Variants in ZZEF1 observed in about 807,000 individuals in gnomAD.
The protein encoded by ZZEF1 is zinc finger ZZ-type and EF-hand domain containing 1, also known as zinc finger ZZ-type and EF-hand domain-containing protein 1.
Under a neutral mutation model 342.8 loss-of-function variants are expected in ZZEF1, and 157 were observed. The ratio of observed to expected loss-of-function variants is 0.46; its 90% CI spans 0.40 to 0.52. ZZEF1 has a LOEUF of 0.52. Among genes scored for constraint, ZZEF1 ranks in the 20% least tolerant of loss-of-function variants. ZZEF1 has a pLI of 0.00. For missense variants in ZZEF1, 3,480 were observed against 3,725.6 expected (o/e 0.93, Z 1.72); for synonymous variants, 1,505 against 1,429.1 (o/e 1.05, Z -1.20).
chr17:4,125,887 A>G (rs2058565009), intron 1 of ZZEF1, among the ~76,000 whole-genome samples: 1 of 152,104 alleles, frequency 6.6e-6, no homozygotes, highest in African/African-American at 2.4e-5. Context: ...AGACAGAGGG[A>G]AATGCTCATG....
rs1195665476 is a variant in ZZEF1 at position 4,123,388 on chromosome 17, C to A, written c.499+519G>T. Among the ~76,000 whole-genome samples, 3 of 146,140 alleles carry A rather than the reference C, an allele frequency of 2.1e-5. No individual in the cohort carries two copies. The Admixed American group carries it at 2.1e-4, about 10-fold the overall frequency. On this transcript the variant is annotated intron_variant, in intron 2 of 54. Coordinates refer to ENST00000381638, the MANE Select transcript of ZZEF1 (RefSeq NM_015113.4). ...CCCACTGGGGGTGCTGGAACATCTC[C>A]CGCATGGGTAAGGAGGGAATACTGT... is the stretch of plus-strand genomic sequence containing the variant.
chr17:4,138,114 T>G (rs2058784016), intron 1 of ZZEF1, among the ~76,000 whole-genome samples: 1 of 152,218 alleles, frequency 6.6e-6, no homozygotes, highest in African/African-American at 2.4e-5. Flanking sequence ...ATGTGTGGGC[T>G]TCAACCGATT....
chr17:4,073,129 T>C (rs1269775178), intron 24 of ZZEF1, among the ~76,000 whole-genome samples: 1 of 152,182 alleles, frequency 6.6e-6, no homozygotes, highest in Non-Finnish European at 1.5e-5. Flanking sequence ...TAGCAAATAA[T>C]AAATATCCAG....
chr17:4,102,294 A>G, intron 9 of ZZEF1, 23 bp downstream of exon 9: 1 of 1,608,158 alleles, frequency 6.2e-7, no homozygotes, highest in Non-Finnish European at 8.5e-7. Context: ...AGCACACTAG[A>G]AACAGACAGA....
intron 26 of ZZEF1, among the ~76,000 whole-genome samples, chr17:4,070,165 G>C (rs2057480726): frequency 1.3e-5 from 2 of 152,226 alleles, no homozygotes; most frequent in Non-Finnish European, 2.9e-5. Context: ...ATGCTACGAA[G>C]GCGCTGCAAG....
At chr17:4,121,097 T>C (rs1174112803) in intron 2 of ZZEF1, among the ~76,000 whole-genome samples, 6 of 152,204 alleles carry the variant, frequency 3.9e-5, no homozygotes, top group South Asian at 4.1e-4. Flanking sequence ...GAGCCTGCTA[T>C]GTAAGTGCCT....
chr17:4,023,017 A>T lies in ZZEF1; in HGVS notation c.7093-189T>A, dbSNP rs935854758. ...AAAGCTGTCTGGGGCTCTTTAGGCT[A>T]AAATCCAAGCCTCTGATCATGGCTG... On this transcript the variant is annotated intron_variant, in intron 43 of 54. Transcript: ENST00000381638. Among the ~76,000 whole-genome samples the T allele has an allele frequency of 2.0e-5, 3 of 152,274 alleles. No individual in the cohort carries two copies. In the South Asian group the frequency reaches 6.2e-4, roughly 32 times the overall value.
At chr17:4,031,648 G>T (rs2056550944) in intron 42 of ZZEF1, among the ~76,000 whole-genome samples, 1 of 152,216 alleles carries the variant, frequency 6.6e-6, no homozygotes, top group Non-Finnish European at 1.5e-5. Flanking sequence ...GTAATGGGTA[G>T]ATACTCCAGA....
intron 1 of ZZEF1, 48 bp from the exon 2 acceptor site, chr17:4,124,099 A>G (rs2058535733): frequency 1.3e-6 from 2 of 1,533,134 alleles, no homozygotes; most frequent in Admixed American, 4.6e-5. Flanking sequence ...CAAGTAAACG[A>G]GGGCAGTTTC....
At chr17:4,067,770 A>G (rs1175672825) in intron 26 of ZZEF1, among the ~76,000 whole-genome samples, 2 of 152,122 alleles carry the variant, frequency 1.3e-5, no homozygotes, top group African/African-American at 4.8e-5. Context: ...GTCTTACTCT[A>G]TCACCCAGGC....
chr17:4,084,353 G>A (rs1597867545), intron 16 of ZZEF1, among the ~76,000 whole-genome samples: 1 of 151,680 alleles, frequency 6.6e-6, no homozygotes, highest in Non-Finnish European at 1.5e-5. Flanking sequence ...AACCATCACT[G>A]GATTTCCAGC....
At chr17:4,090,197 T>C (rs2057915390) in intron 12 of ZZEF1, among the ~76,000 whole-genome samples, 1 of 78,922 alleles carries the variant, frequency 1.3e-5, no homozygotes, top group African/African-American at 4.8e-5. Context: ...AACTATTCTC[T>C]CAGCCTGAGA....
At chr17:4,065,781 TA>T (rs1390114252) in intron 28 of ZZEF1, among the ~76,000 whole-genome samples, 1 of 152,176 alleles carries the variant, frequency 6.6e-6, no homozygotes, top group Non-Finnish European at 1.5e-5. Context: ...CCATAATATT[TA>T]AAAAATAATA....
chr17:4,048,342 T>C (rs1395720869), intron 37 of ZZEF1, among the ~76,000 whole-genome samples: 1 of 152,200 alleles, frequency 6.6e-6, no homozygotes, highest in Non-Finnish European at 1.5e-5. Context: ...CCAGTTTTGC[T>C]TTTGTATTCC....
At chr17:4,083,465 G>A (rs2057761796) in intron 16 of ZZEF1, among the ~76,000 whole-genome samples, 2 of 152,018 alleles carry the variant, frequency 1.3e-5, no homozygotes, top group Admixed American at 1.3e-4. Context: ...ATATATAGCT[G>A]GAATTACACA....
Position 4,072,475 on chromosome 17 carries a change from T to C in ZZEF1, c.3834+133A>G, listed in dbSNP as rs2057528240. Reference sequence around the variant, plus strand: ...GTGGCGTTAACAAGTTAACAAGGTATAGTTTCTGGCCTCAAGGAGCTAACT... The same window carrying C: ...GTGGCGTTAACAAGTTAACAAGGTACAGTTTCTGGCCTCAAGGAGCTAACT... On this transcript the variant is annotated intron_variant, in intron 25 of 54. Coordinates refer to ENST00000381638, the MANE Select transcript of ZZEF1 (RefSeq NM_015113.4). 5 of 1,118,606 alleles carry C rather than the reference T, an allele frequency of 4.5e-6. No individual in the cohort carries two copies. The Admixed American group carries it at 1.3e-4, about 29-fold the overall frequency. The allele number at this position is 1,118,606 out of a possible 1,614,324, so 69.3% of individuals were successfully genotyped here.
intron 15 of ZZEF1, 67 bp from the exon 16 acceptor site, chr17:4,085,870 C>A: frequency 1.3e-6 from 2 of 1,583,094 alleles, no homozygotes; most frequent in Non-Finnish European, 8.6e-7. Context: ...TCTGCTATAA[C>A]TAGCCTATAA....
intron 19 of ZZEF1, 35 bp from the exon 20 acceptor site, chr17:4,077,024 T>C (rs897026): frequency 0.41 from 644,058 of 1,559,474 alleles, 138,621 homozygotes; most frequent in African/African-American, 0.78. Context: ...ATATATTATA[T>C]AGTAGAAATG....
At chr17:4,128,458 GT>G (rs71144168) in intron 1 of ZZEF1, among the ~76,000 whole-genome samples, 22 of 143,884 alleles carry the variant, frequency 1.5e-4, no homozygotes, top group African/African-American at 4.6e-4. Flanking sequence ...TTCTAAAGTT[GT>G]TTTTTTTTTT....
Sources: gnomAD v4.1 joint callset for allele counts (sites outside exome capture counted in the v4.1 genomes callset) on GRCh38, gnomAD v4.1.1 for gene constraint, MANE v1.5 for transcripts, NCBI Gene and HGNC (gene_info 2026-07-23, HGNC 2026-07-21) for gene names.